Variants in MYO16 observed in about 807,000 individuals in gnomAD.
MYO16 encodes the protein myosin XVI.
In MYO16, 94 loss-of-function variants were observed where a neutral mutation model predicts 205.3. The ratio of observed to expected loss-of-function variants is 0.46; its 90% confidence interval spans 0.39 to 0.54. The LOEUF (loss-of-function observed/expected upper bound fraction) is 0.54, where lower values mean the gene tolerates loss of function less well. Ranked by LOEUF, MYO16 falls within the 20% of genes least tolerant of loss-of-function variation. MYO16 has a pLI of 0.00. For synonymous variants in MYO16, 988 were observed against 954.0 expected, an observed-to-expected ratio of 1.04 and a Z score of -0.66; for missense variants, 2,315 against 2,387.5, an observed-to-expected ratio of 0.97 and a Z score of 0.63.
intron 31 of MYO16, among the ~76,000 whole-genome samples, chr13:109,131,810 G>C (rs1453827652): frequency 1.3e-5 from 2 of 152,132 alleles, no homozygotes; most frequent in Non-Finnish European, 2.9e-5. Flanking sequence ...CTCACACACC[G>C]GGTGCAGCCT....
chr13:108,871,642 C>T (rs906746319), intron 12 of MYO16, among the ~76,000 whole-genome samples: 4 of 152,096 alleles, frequency 2.6e-5, no homozygotes, highest in Admixed American at 1.3e-4. Flanking sequence ...TTTGGCTTTC[C>T]TCTGTTTCTG....
chr13:108,766,441 GC>G (rs1410420848), intron 4 of MYO16, among the ~76,000 whole-genome samples: 19 of 152,340 alleles, frequency 1.2e-4, no homozygotes, highest in African/African-American at 4.1e-4. Context: ...TGTCATCTGA[GC>G]TTTGGGAAAA....
chr13:109,171,755 G>A (rs549209971), intron 33 of MYO16, among the ~76,000 whole-genome samples: 61 of 152,198 alleles, frequency 4.0e-4, no homozygotes, highest in African/African-American at 1.4e-3. Context: ...TCCAACTAGG[G>A]CATTTTATGT....
At chr13:109,067,990 A>G (rs1322003454) in intron 27 of MYO16, among the ~76,000 whole-genome samples, 2 of 152,340 alleles carry the variant, frequency 1.3e-5, no homozygotes, top group South Asian at 2.1e-4. Flanking sequence ...TGACCAGCCC[A>G]AATGATTTAA....
chr13:108,633,606 C>A (rs1408795297), intron 1 of MYO16, among the ~76,000 whole-genome samples: 1 of 152,184 alleles, frequency 6.6e-6, no homozygotes, highest in Non-Finnish European at 1.5e-5. Flanking sequence ...GAATGTTAAT[C>A]TCCTTTGACA....
Position 108,947,994 on chromosome 13 carries a change from T to C in MYO16, c.1926-9694T>C, listed in dbSNP as rs182773039. Among the ~76,000 whole-genome samples the C allele has an allele frequency of 1.4e-3, 209 of 152,364 alleles. 1 individual carries two copies. Among genetic ancestry groups the C allele is most frequent in the African/African-American group, 4.7e-3 (196 of 41,592 alleles). ...GTTTGTGACTCATATATTAATACTTTCCAGGTGGAGACTTGTGTATCTGAA... is the reference window on the plus strand; with the variant it reads ...GTTTGTGACTCATATATTAATACTTCCCAGGTGGAGACTTGTGTATCTGAA... On this transcript the variant is annotated intron_variant, in intron 16 of 34. Coordinates refer to ENST00000457511, the MANE Select transcript of MYO16 (RefSeq NM_001198950.3).
At chr13:108,758,304 T>A (rs1428034102) in intron 4 of MYO16, among the ~76,000 whole-genome samples, 1 of 152,222 alleles carries the variant, frequency 6.6e-6, no homozygotes, top group Non-Finnish European at 1.5e-5. Context: ...ATTTTTTAAA[T>A]TTTTGTTTCC....
At chr13:108,986,129 A>G (rs1265227710) in intron 20 of MYO16, among the ~76,000 whole-genome samples, 2 of 152,196 alleles carry the variant, frequency 1.3e-5, no homozygotes, top group East Asian at 3.9e-4. Flanking sequence ...CTATCATGAG[A>G]TTATCGTGAG....
At chr13:108,685,054 C>A (rs59524116) in intron 2 of MYO16, among the ~76,000 whole-genome samples, 21,731 of 145,528 alleles carry the variant, frequency 0.15, 1,848 homozygotes, top group East Asian at 0.3. Flanking sequence ...GATAGAGTCT[C>A]GGTCTGTTGC....
intron 2 of MYO16, among the ~76,000 whole-genome samples, chr13:108,690,541 G>T (rs1882856791): frequency 6.6e-6 from 1 of 151,740 alleles, no homozygotes; most frequent in South Asian, 2.1e-4. Flanking sequence ...AAATATAGAT[G>T]TCTAACTGAC....
the MYO16 span, among the ~76,000 whole-genome samples, chr13:108,531,605 A>T: frequency 7.0e-6 from 1 of 142,360 alleles, no homozygotes; most frequent in African/African-American, 2.7e-5. Flanking sequence ...GATACAGCTA[A>T]GCCTAGAACA....
intron 1 of MYO16, among the ~76,000 whole-genome samples, chr13:108,653,575 T>C (rs1881107440): frequency 6.6e-6 from 1 of 152,048 alleles, no homozygotes; most frequent in African/African-American, 2.4e-5. Context: ...GTAAAATAAG[T>C]CCAATTTTAT....
intron 22 of MYO16, among the ~76,000 whole-genome samples, chr13:109,017,275 G>C (rs1416720077): frequency 6.6e-6 from 1 of 152,156 alleles, no homozygotes; most frequent in African/African-American, 2.4e-5. Flanking sequence ...TTTTCTTTAA[G>C]AATGTTGAAT....
At chr13:108,883,913 C>T (rs998779509) in intron 13 of MYO16, among the ~76,000 whole-genome samples, 2 of 152,206 alleles carry the variant, frequency 1.3e-5, no homozygotes, top group African/African-American at 4.8e-5. Context: ...ACATGGGCCA[C>T]TGCATTTGGC....
chr13:108,671,496 G>T (rs1594195591), intron 2 of MYO16, among the ~76,000 whole-genome samples: 2 of 152,122 alleles, frequency 1.3e-5, no homozygotes, highest in East Asian at 3.9e-4. Context: ...GGAAGCAGAA[G>T]TGATGGACTA....
chr13:109,151,175 G>A (rs575759808), intron 32 of MYO16, among the ~76,000 whole-genome samples: 14 of 152,018 alleles, frequency 9.2e-5, no homozygotes, highest in Middle Eastern at 6.8e-3. Flanking sequence ...AAAATTTCAC[G>A]CCATCGAGAG....
chr13:108,599,061 A>G (rs1878667098), intron 1 of MYO16, among the ~76,000 whole-genome samples: 2 of 141,938 alleles, frequency 1.4e-5, no homozygotes, highest in Non-Finnish European at 3.0e-5. Context: ...CTCATTGTTC[A>G]ATTCCAATCT....
intron 8 of MYO16, among the ~76,000 whole-genome samples, chr13:108,821,133 A>G (rs939418640): frequency 6.6e-6 from 1 of 152,064 alleles, no homozygotes; most frequent in African/African-American, 2.4e-5. Context: ...TGAAGACAGT[A>G]ATTGATCTGA....
intron 27 of MYO16, among the ~76,000 whole-genome samples, chr13:109,094,218 A>AC (rs1322379191): frequency 6.6e-6 from 1 of 151,814 alleles, no homozygotes; most frequent in Non-Finnish European, 1.5e-5. Flanking sequence ...TTCCTTATTT[A>AC]CTTTATTTTT....
Sources: gnomAD v4.1 joint callset for allele counts (sites outside exome capture counted in the v4.1 genomes callset) on GRCh38, gnomAD v4.1.1 for gene constraint, MANE v1.5 for transcripts, NCBI Gene and HGNC (gene_info 2026-07-23, HGNC 2026-07-21) for gene names.